Variants in DLG4 observed in about 807,000 individuals in gnomAD.
The protein encoded by DLG4 is discs large MAGUK scaffold protein 4.
DLG4 carries 7 observed loss-of-function variants against 93.8 expected under a neutral mutation model. The observed-to-expected ratio is 0.07, with a 90% CI of 0.04 to 0.14. The LOEUF is 0.14. Ranked by LOEUF, DLG4 falls within the 10% of genes least tolerant of loss-of-function variation. DLG4 has a pLI of 1.00. For synonymous variants in DLG4, 341 were observed against 387.6 expected, an observed-to-expected ratio of 0.88 and a Z score of 1.41; for missense variants, 545 against 992.9, an observed-to-expected ratio of 0.55 and a Z score of 6.06.
At chr17:7,207,476 G>T (rs2070519734) in intron 2 of DLG4, among the ~76,000 whole-genome samples, 1 of 152,086 alleles carries the variant, frequency 6.6e-6, no homozygotes, top group Non-Finnish European at 1.5e-5. Context: ...AGGCCAGACA[G>T]ATGGAAAGAG....
In DLG4 at chr17:7,217,556, TGGGGTG is replaced by T; in HGVS notation, c.-415_-410del. The T allele has an allele frequency of 2.1e-5, 2 of 95,728 alleles. No individual in the cohort carries two copies. The highest frequency in any genetic ancestry group is 1.2e-5 in the Non-Finnish European group (1 of 83,604). The allele number at this position is 95,728 out of a possible 1,614,324, so 5.9% of individuals were successfully genotyped here. On this transcript the variant is annotated 5_prime_UTR_variant, in exon 1 of 20. Transcript: ENST00000399506. ...GGGGCTAGGGGCCGTGGCGGGGGAG[TGGGGTG>T]GGGGGGTTGGAAACGGCAGCGGCCG...
In DLG4 at chr17:7,190,477, C is replaced by A; in HGVS notation, c.*231G>T. The A allele has an allele frequency of 1.8e-6, 1 of 546,764 alleles. No homozygotes were observed. The highest frequency in any genetic ancestry group is 3.3e-6 in the Non-Finnish European group (1 of 304,300). 33.9% of individuals were successfully genotyped at this position (546,764 alleles called of 1,614,324 possible). A position where few individuals can be genotyped will look rare whatever the true frequency, so the allele number is the denominator to read the frequency against. ...GGAGCAAGGGCTCGGAACAAGGAGC[C>A]CAGCTCCCCCCCAGACCCCAGGTTC... is the stretch of plus-strand genomic sequence containing the variant. On this transcript the variant is annotated 3_prime_UTR_variant, in exon 20 of 20. Transcript: ENST00000399506.
In DLG4 at chr17:7,202,923, G is replaced by A. The variant is rs751164663; in HGVS notation, c.767C>T (p.Ala256Val). The part of the protein sequence containing the change: ...PSNAYLSDSY[A>V]PPDITTSYSQ... ...CTCACAGGTTGTGATGTCTGGGGGA[G>A]CATAGCTGTCACTCAGGTAGGCATT... The change falls in exon 8 of 20, where the codon GCT becomes GTT. Residue 256 changes from alanine to valine, a missense_variant. Physicochemically the swap from Ala to Val is moderately conservative, Grantham distance 64. Around this residue, in one of 5 missense-constraint regions of DLG4, gnomAD observed 428 missense variants for 741.4 expected, o/e 0.58. Transcript: ENST00000399506. The A allele has an allele frequency of 3.1e-6, 5 of 1,613,896 alleles. No homozygotes were observed. The highest frequency in any genetic ancestry group is 4.2e-6 in the Non-Finnish European group (5 of 1,179,878).
intron 17 of DLG4, 124 bp downstream of exon 17, chr17:7,192,821 A>C: frequency 9.4e-7 from 1 of 1,060,022 alleles, no homozygotes; most frequent in Non-Finnish European, 1.3e-6. Flanking sequence ...AAGGAGGTGG[A>C]GGAGCGGAGT....
At position 7,196,114 on chromosome 17, in the gene DLG4, G is replaced by T; in HGVS notation, c.1301+106C>A. ...CTGCGCCTCAGGCCTGGGGTGGGGA[G>T]CTAGAGCAGGCAGGGTGGAGAAGAG... is the stretch of plus-strand genomic sequence containing the variant. On this transcript the variant is annotated intron_variant, in intron 11 of 19. Transcript: ENST00000399506. This position sits in a 1 kb window ranked among gnomAD's most constrained non-coding sequence, Gnocchi z 8.3. 3 of 790,494 alleles carry T rather than the reference G, an allele frequency of 3.8e-6. No homozygotes were observed. The highest frequency in any genetic ancestry group is 6.0e-6 in the Non-Finnish European group (3 of 496,406). The allele number at this position is 790,494 out of a possible 1,614,324, so 49.0% of individuals were successfully genotyped here.
Position 7,208,437 on chromosome 17 carries a change from G to T in DLG4, c.31-198C>A, listed in dbSNP as rs146229406. ...CCCAACAGCCCCCTCTCCCGCCAGG[G>T]CCTCAGCACCTCTCATCAATCCCCA... On this transcript the variant is annotated intron_variant, in intron 1 of 19. Transcript: ENST00000399506. The surrounding 1 kb of genome is among the most constrained non-coding windows in gnomAD (Gnocchi z 5.4). Among the ~76,000 whole-genome samples, 5 of 151,836 alleles carry T rather than the reference G, an allele frequency of 3.3e-5. No homozygotes were observed. Among genetic ancestry groups the T allele is most frequent in the Admixed American group, 2.6e-4 (4 of 15,242 alleles).
chr17:7,214,581 C>T (rs2070831451), intron 1 of DLG4, among the ~76,000 whole-genome samples: 1 of 152,226 alleles, frequency 6.6e-6, no homozygotes, highest in Non-Finnish European at 1.5e-5. Flanking sequence ...AGGGTTTAAC[C>T]GCTTCGCTCC....
chr17:7,219,819 C>T (rs1223901228), upstream of DLG4: 13 of 1,531,460 alleles, frequency 8.5e-6, no homozygotes, highest in Admixed American at 8.0e-5. Context: ...AACGCAGGGC[C>T]GGGCTCCAGG....
chr17:7,192,910 A>C (rs772630763), intron 17 of DLG4, 35 bp downstream of exon 17: 1 of 1,565,430 alleles, frequency 6.4e-7, no homozygotes, highest in East Asian at 2.3e-5. Context: ...GGGAGAGGGG[A>C]GAAGGAAGAG....
chr17:7,192,224 G>C (rs2069541255), intron 17 of DLG4: 4 of 435,960 alleles, frequency 9.2e-6, no homozygotes, highest in Non-Finnish European at 4.0e-6. Flanking sequence ...GAGCACGGGA[G>C]AGGGCAGGGA....
At chr17:7,202,857 A>AAC in intron 8 of DLG4, 46 bp downstream of exon 8, 1 of 1,610,598 alleles carries the variant, frequency 6.2e-7, no homozygotes, top group African/African-American at 1.3e-5. Flanking sequence ...GTCATGGGTT[A>AAC]AACGGGATGG....
intron 1 of DLG4, chr17:7,213,861 A>G (rs1032853789): frequency 6.4e-6 from 3 of 470,908 alleles, no homozygotes; most frequent in African/African-American, 4.0e-5. Context: ...ATGACCCCCA[A>G]TGTCCTAGTT....
At position 7,199,320 on chromosome 17, in the gene DLG4, C is replaced by T. The variant is rs1597460386; in HGVS notation, c.788-2268G>A. On this transcript the variant is annotated intron_variant, in intron 8 of 19. Transcript: ENST00000399506. ...GTTCAAGGGATTCTCCCACCTCAAC[C>T]TCTCCAGCAGCTAGGATTACAGGCA... Among the ~76,000 whole-genome samples the T allele has an allele frequency of 2.0e-5, 3 of 152,076 alleles. No homozygotes were observed. The South Asian group carries it at 6.2e-4, about 32-fold the overall frequency.
chr17:7,190,961 C>A, intron 19 of DLG4, 147 bp from the exon 20 acceptor site: 1 of 540,602 alleles, frequency 1.8e-6, no homozygotes, highest in Non-Finnish European at 3.1e-6. Flanking sequence ...ACAGGGGCAC[C>A]TCTTTTTTTT....
At chr17:7,190,863 C>T (rs780368088) in intron 19 of DLG4, 49 bp from the exon 20 acceptor site, 6 of 1,522,232 alleles carry the variant, frequency 3.9e-6, no homozygotes, top group Non-Finnish European at 4.6e-6. Context: ...GGCCAGAGGA[C>T]ACCTGGCCAA....
intron 8 of DLG4, among the ~76,000 whole-genome samples, chr17:7,197,413 C>T (rs1354678027): frequency 6.6e-6 from 1 of 152,030 alleles, no homozygotes; most frequent in African/African-American, 2.4e-5. Context: ...TTTTTTCCCC[C>T]CACCTCTCTG....
intron 2 of DLG4, 81 bp from the exon 3 acceptor site, chr17:7,204,333 G>A: frequency 7.2e-7 from 1 of 1,395,550 alleles, no homozygotes; most frequent in Non-Finnish European, 9.7e-7. Flanking sequence ...CCATCAGCGT[G>A]GCTACCCTTT....
At chr17:7,212,595 C>A (rs2070752637) in intron 1 of DLG4, among the ~76,000 whole-genome samples, 1 of 152,168 alleles carries the variant, frequency 6.6e-6, no homozygotes, top group Non-Finnish European at 1.5e-5. Flanking sequence ...AATATTTAAT[C>A]TACTTTAAAG....
chr17:7,213,406 C>G (rs1287198784), intron 1 of DLG4, among the ~76,000 whole-genome samples: 1 of 152,094 alleles, frequency 6.6e-6, no homozygotes, highest in Admixed American at 6.6e-5. Context: ...GGCACCTCCT[C>G]TCCTTTTCTT....
Sources: allele counts gnomAD v4.1 joint callset (sites outside exome capture counted in the v4.1 genomes callset), GRCh38; gene constraint gnomAD v4.1.1; regional missense constraint gnomAD v4.1.1; non-coding constraint Gnocchi (gnomAD v3.1); transcripts MANE v1.5; gene names NCBI Gene and HGNC (gene_info 2026-07-23, HGNC 2026-07-21).